The following NCOA2 variants were observed in gnomAD, a reference collection of about 807,000 sequenced individuals.
NCOA2 encodes the protein class E basic helix-loop-helix protein 75.
NCOA2 carries 21 observed loss-of-function variants against 145.1 expected under a neutral mutation model. The ratio of observed to expected loss-of-function variants is 0.14; its 90% CI spans 0.10 to 0.21. The LOEUF is 0.21. NCOA2 is among the 10% of genes least tolerant of loss of function. The pLI is 1.00. For synonymous variants in NCOA2, 619 were observed against 637.5 expected, an observed-to-expected ratio of 0.97 and a Z score of 0.44; for missense variants, 1,472 against 1,837.6, an observed-to-expected ratio of 0.80 and a Z score of 3.64.
rs534259008 is a variant in NCOA2 at position 70,185,950 on chromosome 8, A to G, written c.260-11091T>C. Among the ~76,000 whole-genome samples, 28 of 152,054 alleles carry G rather than the reference A, an allele frequency of 1.8e-4. No homozygotes were observed. The South Asian group carries it at 5.6e-3, about 31-fold the overall frequency. On this transcript the variant is annotated intron_variant, in intron 4 of 22. Coordinates refer to ENST00000452400, the MANE Select transcript of NCOA2 (RefSeq NM_006540.4). Reference sequence around the variant, plus strand: ...GTGTCATTAGTCCTTCTCTACATGTATGTTTATTTTCTACCTGGTTCACAG... The same window carrying G: ...GTGTCATTAGTCCTTCTCTACATGTGTGTTTATTTTCTACCTGGTTCACAG...
intron 8 of NCOA2, among the ~76,000 whole-genome samples, chr8:70,163,087 GTATT>G (rs1813227940): frequency 6.6e-6 from 1 of 151,708 alleles, no homozygotes; most frequent in Admixed American, 6.6e-5. Context: ...GCTAATTTTT[GTATT>G]TTTAATACAG....
At chr8:70,158,380 A>G (rs1812517258) in intron 10 of NCOA2, among the ~76,000 whole-genome samples, 1 of 152,264 alleles carries the variant, frequency 6.6e-6, no homozygotes, top group South Asian at 2.1e-4. Context: ...AATATGGCTT[A>G]TGACATTTAT....
At chr8:70,256,672 A>G (rs1046325813) in intron 2 of NCOA2, among the ~76,000 whole-genome samples, 1 of 152,190 alleles carries the variant, frequency 6.6e-6, no homozygotes, top group African/African-American at 2.4e-5. Flanking sequence ...TAATATTCAC[A>G]TCCATTTTTT....
At chr8:70,290,754 G>C (rs1563728934) in intron 2 of NCOA2, among the ~76,000 whole-genome samples, 1 of 151,658 alleles carries the variant, frequency 6.6e-6, no homozygotes, top group African/African-American at 2.4e-5. Flanking sequence ...GCTTAATTTA[G>C]ACCCTTGTAT....
chr8:70,212,525 A>G (rs1341847510), intron 4 of NCOA2, among the ~76,000 whole-genome samples: 1 of 152,162 alleles, frequency 6.6e-6, no homozygotes, highest in African/African-American at 2.4e-5. Flanking sequence ...TGAATGCTAT[A>G]TGTATATTTT....
chr8:70,306,699 C>G (rs1027053441), intron 1 of NCOA2, among the ~76,000 whole-genome samples: 1 of 151,870 alleles, frequency 6.6e-6, no homozygotes, highest in African/African-American at 2.4e-5. Context: ...GGCAACAAGG[C>G]GAAACGTCGT....
At chr8:70,159,244 T>TATATA in intron 10 of NCOA2, among the ~76,000 whole-genome samples, 17 of 69,280 alleles carry the variant, frequency 2.5e-4, no homozygotes, top group African/African-American at 5.2e-4. Flanking sequence ...ATATATATAT[T>TATATA]TTTTTTTTTT....
chr8:70,445,167 T>C, the NCOA2 span, among the ~76,000 whole-genome samples: 2 of 152,188 alleles, frequency 1.3e-5, no homozygotes, highest in Non-Finnish European at 2.9e-5. Context: ...TTACAGTAAT[T>C]GTAGCTGGAA....
chr8:70,351,748 CTAAT>C (rs1263852939), intron 1 of NCOA2, among the ~76,000 whole-genome samples: 1 of 146,580 alleles, frequency 6.8e-6, no homozygotes, highest in Non-Finnish European at 1.5e-5. Flanking sequence ...ACCACCCCGG[CTAAT>C]TTTTTTTTTT....
At chr8:70,304,622 T>A (rs191613056) in intron 1 of NCOA2, among the ~76,000 whole-genome samples, 1 of 152,016 alleles carries the variant, frequency 6.6e-6, no homozygotes, top group African/African-American at 2.4e-5. Context: ...CCCGCCACCA[T>A]GCCCGGCTAA....
chr8:70,284,913 A>T (rs1826134607), intron 2 of NCOA2, among the ~76,000 whole-genome samples: 1 of 152,162 alleles, frequency 6.6e-6, no homozygotes, highest in Admixed American at 6.6e-5. Context: ...CTAGAAAAAG[A>T]ACAGATGTCC....
rs553082685 is a variant in NCOA2 at position 70,241,832 on chromosome 8, A to G, written c.-19-25068T>C. Among the ~76,000 whole-genome samples, 6 of 152,308 alleles carry G rather than the reference A, an allele frequency of 3.9e-5. No individual in the cohort carries two copies. In the South Asian group the frequency reaches 1.2e-3, roughly 32 times the overall value. On this transcript the variant is annotated intron_variant, in intron 2 of 22. Transcript: ENST00000452400. ...GAACAGGACCTGGCATGTAAGTTCT[A>G]CATAAAAGATAAGCTTTAAAACTAC...
rs930645500 is a variant in NCOA2, at chr8:70,167,487, C to T, written c.542-733G>A. Among the ~76,000 whole-genome samples, 5 of 152,268 alleles carry T rather than the reference C, an allele frequency of 3.3e-5. No homozygotes were observed. In the East Asian group the frequency reaches 9.6e-4, roughly 29 times the overall value. On this transcript the variant is annotated intron_variant, in intron 6 of 22. Coordinates refer to ENST00000452400, the MANE Select transcript of NCOA2 (RefSeq NM_006540.4). ...AGGCTGAGGTCCTCTACAATCAATA[C>T]TTTACTAACTACTCCCCCATACTGC... is the stretch of plus-strand genomic sequence containing the variant.
chr8:70,441,353 CAAAG>C, the NCOA2 span, among the ~76,000 whole-genome samples: 103 of 78,344 alleles, frequency 1.3e-3, 1 homozygote, highest in Non-Finnish European at 1.1e-3. Context: ...AAGAGAAAAA[CAAAG>C]AAAAGAAAGG....
intron 1 of NCOA2, among the ~76,000 whole-genome samples, chr8:70,363,966 T>C (rs1158259322): frequency 1.3e-5 from 2 of 151,946 alleles, no homozygotes; most frequent in Non-Finnish European, 1.5e-5. Context: ...AAACTGCTAT[T>C]CCCACAACTT....
chr8:70,186,313 T>C (rs375119922), intron 4 of NCOA2, among the ~76,000 whole-genome samples: 3 of 152,348 alleles, frequency 2.0e-5, no homozygotes, highest in South Asian at 4.1e-4. Flanking sequence ...GTTCAAATGC[T>C]TGAAACAGCT....
the NCOA2 span, among the ~76,000 whole-genome samples, chr8:70,450,814 G>C: frequency 6.6e-6 from 1 of 151,002 alleles, no homozygotes; most frequent in Non-Finnish European, 1.5e-5. Flanking sequence ...TTACCCACCC[G>C]CCTTGGCCTC....
intron 1 of NCOA2, among the ~76,000 whole-genome samples, chr8:70,369,614 G>A (rs1216462661): frequency 2.0e-5 from 3 of 149,666 alleles, no homozygotes; most frequent in Non-Finnish European, 3.0e-5. Context: ...ATCATCCTTC[G>A]ATTTAGATCC....
At chr8:70,377,409 T>C (rs987114451) in intron 1 of NCOA2, among the ~76,000 whole-genome samples, 1 of 152,098 alleles carries the variant, frequency 6.6e-6, no homozygotes, top group Non-Finnish European at 1.5e-5. Flanking sequence ...AAATAAAAAT[T>C]TAGTATTTAG....
Sources: gnomAD v4.1 joint callset for allele counts (sites outside exome capture counted in the v4.1 genomes callset) on GRCh38, gnomAD v4.1.1 for gene constraint, MANE v1.5 for transcripts, NCBI Gene and HGNC (gene_info 2026-07-23, HGNC 2026-07-21) for gene names.